SHC3: variants seen among roughly 807,000 people sequenced by gnomAD.
The protein encoded by SHC3 is SHC-transforming protein 3.
SHC3 carries 15 observed loss-of-function variants against 60.4 expected under a neutral mutation model. That is an observed-to-expected ratio of 0.25 (90% confidence interval 0.17 to 0.38). SHC3 has a LOEUF of 0.38. Ranked by LOEUF, SHC3 falls within the 10% of genes least tolerant of loss-of-function variation. The pLI is 1.00. For missense variants in SHC3, 677 were observed against 786.1 expected (o/e 0.86, Z 1.66); for synonymous variants, 294 against 325.9 (o/e 0.90, Z 1.05).
intron 1 of SHC3, among the ~76,000 whole-genome samples, chr9:89,127,022 G>A (rs994925548): frequency 1.3e-5 from 2 of 152,166 alleles, no homozygotes; most frequent in African/African-American, 4.8e-5. Context: ...ATTGTCTTAA[G>A]CAGTTAAAAG....
intron 11 of SHC3, among the ~76,000 whole-genome samples, chr9:89,031,904 G>T (rs73496082): frequency 0.1 from 15,288 of 152,178 alleles, 2,500 homozygotes; most frequent in African/African-American, 0.35. Flanking sequence ...TTGGAGTGAG[G>T]CTGGGACTCA....
chr9:89,098,634 C>T (rs1255804946), intron 2 of SHC3, among the ~76,000 whole-genome samples: 1 of 152,138 alleles, frequency 6.6e-6, no homozygotes, highest in Non-Finnish European at 1.5e-5. Flanking sequence ...CACGGTGAAA[C>T]CCGGTCTCTA....
chr9:89,142,699 G>T lies in SHC3; in HGVS notation c.475-30073C>A, dbSNP rs543448251. Among the ~76,000 whole-genome samples, 565 of 151,454 alleles carry T rather than the reference G, an allele frequency of 3.7e-3. 4 individuals carry two copies. The highest frequency in any genetic ancestry group is 0.013 in the African/African-American group (536 of 41,248). On this transcript the variant is annotated intron_variant, in intron 1 of 11. Transcript: ENST00000375835. ...AAAAAAAAAAAAAAAAAAGGCGGGG[G>T]GTGTCTTTTACCCACTCTGTCTTAG...
intron 1 of SHC3, among the ~76,000 whole-genome samples, chr9:89,129,694 G>A (rs1300067743): frequency 6.6e-6 from 1 of 152,154 alleles, no homozygotes; most frequent in Non-Finnish European, 1.5e-5. Context: ...ACCCTTTACA[G>A]AAAAACAAAT....
chr9:89,075,010 T>C (rs1201015264), intron 4 of SHC3, 99 bp downstream of exon 4: 4 of 1,453,698 alleles, frequency 2.8e-6, no homozygotes, highest in South Asian at 3.1e-5. Context: ...TGACACAAAA[T>C]ATGCTATGTG....
intron 4 of SHC3, among the ~76,000 whole-genome samples, chr9:89,073,595 G>C (rs1409082813): frequency 6.6e-6 from 1 of 152,126 alleles, no homozygotes; most frequent in Non-Finnish European, 1.5e-5. Flanking sequence ...CCAGTCCCCT[G>C]GGTGTCCAGA....
At position 89,085,786 on chromosome 9, in the gene SHC3, C is replaced by T. The variant is rs112232924; in HGVS notation, c.546-7883G>A. Among the ~76,000 whole-genome samples, 1,173 of 152,334 alleles carry T rather than the reference C, an allele frequency of 7.7e-3. 20 individuals carry two copies. Among genetic ancestry groups the T allele is most frequent in the African/African-American group, 0.027 (1,110 of 41,580 alleles). ...CTCTCCAAAATAAGGACACAGGGCT[C>T]ATCAACCCTCAAGGCATTAGAGTTC... is the stretch of plus-strand genomic sequence containing the variant. On this transcript the variant is annotated intron_variant, in intron 2 of 11. Coordinates refer to ENST00000375835, the MANE Select transcript of SHC3 (RefSeq NM_016848.6).
At position 89,010,955 on chromosome 9, in the gene SHC3, G is replaced by C. The variant is rs1033749325; in HGVS notation, c.*2492C>G. 6.6e-6 allele frequency: 1 copy of C among 152,250 alleles called. No individual in the cohort carries two copies. The highest frequency in any genetic ancestry group is 1.5e-5 in the Non-Finnish European group (1 of 68,070). 9.4% of individuals were successfully genotyped at this position (152,250 alleles called of 1,614,324 possible). ...CCAGCCTCACTTTCCCCATGTGTCT[G>C]TGAGGCTCACAGGAATGGCCCACCA... On this transcript the variant is annotated 3_prime_UTR_variant, in exon 12 of 12. Transcript: ENST00000375835.
chr9:89,149,324 G>A (rs1826512876), intron 1 of SHC3, among the ~76,000 whole-genome samples: 1 of 152,026 alleles, frequency 6.6e-6, no homozygotes, highest in Non-Finnish European at 1.5e-5. Context: ...TTACTTCTCT[G>A]AATATTATAA....
At chr9:89,125,761 G>C (rs139803811) in intron 1 of SHC3, among the ~76,000 whole-genome samples, 1 of 152,074 alleles carries the variant, frequency 6.6e-6, no homozygotes, top group Non-Finnish European at 1.5e-5. Context: ...GCAACGTCAC[G>C]AGCTTACTTT....
chr9:89,150,723 C>A (rs1049084378), intron 1 of SHC3, among the ~76,000 whole-genome samples: 3 of 152,052 alleles, frequency 2.0e-5, no homozygotes, highest in Non-Finnish European at 4.4e-5. Flanking sequence ...GGGTATATAC[C>A]TGTGAGTGGA....
intron 1 of SHC3, among the ~76,000 whole-genome samples, chr9:89,172,562 GACAC>G (rs369381560): frequency 1.0e-4 from 12 of 120,338 alleles, no homozygotes; most frequent in African/African-American, 3.5e-4. Context: ...GACACACACA[GACAC>G]ACACACACAG....
intron 2 of SHC3, among the ~76,000 whole-genome samples, chr9:89,096,225 C>G (rs536187775): frequency 1.3e-5 from 2 of 152,262 alleles, no homozygotes; most frequent in African/African-American, 4.8e-5. Context: ...ACTAAGTAGG[C>G]ATGAGATGAT....
intron 11 of SHC3, among the ~76,000 whole-genome samples, chr9:89,020,382 G>A (rs1826178939): frequency 6.6e-6 from 1 of 152,234 alleles, no homozygotes; most frequent in African/African-American, 2.4e-5. Context: ...CACATTGTGG[G>A]TGTGGGGGCC....
intron 4 of SHC3, among the ~76,000 whole-genome samples, chr9:89,073,504 C>G (rs1020849347): frequency 1.3e-5 from 2 of 152,080 alleles, no homozygotes; most frequent in Non-Finnish European, 2.9e-5. Flanking sequence ...ACAGTTGGGC[C>G]CAAAAGTCAG....
At chr9:89,129,989 C>T (rs184078354) in intron 1 of SHC3, among the ~76,000 whole-genome samples, 54 of 152,300 alleles carry the variant, frequency 3.5e-4, no homozygotes, top group African/African-American at 1.0e-3. Context: ...CAAGACCCAT[C>T]AGTGTGCTGT....
chr9:89,048,526 A>C (rs1050136217), intron 7 of SHC3, among the ~76,000 whole-genome samples: 8 of 152,262 alleles, frequency 5.3e-5, no homozygotes, highest in African/African-American at 1.4e-4. Flanking sequence ...GAGAATGGGG[A>C]GTAATTGCTG....
chr9:89,074,147 A>T (rs1275993080), intron 4 of SHC3, among the ~76,000 whole-genome samples: 1 of 152,224 alleles, frequency 6.6e-6, no homozygotes, highest in East Asian at 1.9e-4. Context: ...TGGAGGAATA[A>T]ATGAAGCTGG....
chr9:89,165,235 A>G (rs925061809), intron 1 of SHC3, among the ~76,000 whole-genome samples: 1 of 151,400 alleles, frequency 6.6e-6, no homozygotes, highest in Admixed American at 6.6e-5. Context: ...AGAAAAGATG[A>G]AAGAAAGAAA....
Sources: gnomAD v4.1 joint callset for allele counts (sites outside exome capture counted in the v4.1 genomes callset) on GRCh38, gnomAD v4.1.1 for gene constraint, MANE v1.5 for transcripts, NCBI Gene and HGNC (gene_info 2026-07-23, HGNC 2026-07-21) for gene names.